SETD9: variants seen among roughly 807,000 people sequenced by gnomAD.
SETD9 encodes the protein SET domain-containing protein 9.
SETD9 carries 37 observed loss-of-function variants against 36.4 expected under a neutral mutation model. The ratio of observed to expected loss-of-function variants is 1.02; its 90% confidence interval spans 0.78 to 1.34. SETD9 has a LOEUF of 1.34. Ranked by LOEUF, SETD9 falls within the 40% of genes most tolerant of loss-of-function variation. The pLI, the probability that SETD9 is intolerant of heterozygous loss-of-function variation, is 0.00. For missense variants in SETD9, 323 were observed against 353.2 expected (o/e 0.91, Z 0.69); for synonymous variants, 128 against 132.9 (o/e 0.96, Z 0.26).
chr5:56,921,793 T>C, downstream of SETD9: 1 of 152,644 alleles, frequency 6.6e-6, no homozygotes, highest in East Asian at 1.9e-4. Context: ...CATAATTCTC[T>C]ATTTTAACAG....
chr5:56,912,942 A>G, intron 2 of SETD9, 69 bp from the exon 3 acceptor site: 4 of 1,477,058 alleles, frequency 2.7e-6, no homozygotes, highest in Non-Finnish European at 3.7e-6. Context: ...ATTCCAAAGA[A>G]GGGTTCTTAT....
intron 5 of SETD9, among the ~76,000 whole-genome samples, chr5:56,924,536 CAA>C (rs1749863281): frequency 6.6e-6 from 1 of 152,152 alleles, no homozygotes; most frequent in Non-Finnish European, 1.5e-5. Context: ...TTCCACTTTC[CAA>C]AAGAGATTAA....
downstream of SETD9, among the ~76,000 whole-genome samples, chr5:56,917,937 C>T (rs1164266567): frequency 4.6e-5 from 7 of 152,206 alleles, no homozygotes; most frequent in Non-Finnish European, 1.0e-4. Context: ...TGACCAGATT[C>T]TGATTACCTT....
intron 1 of SETD9, chr5:56,910,004 T>C (rs957993419): frequency 7.5e-7 from 1 of 1,342,052 alleles, no homozygotes; most frequent in Non-Finnish European, 9.7e-7. Flanking sequence ...GGGCGGTGGC[T>C]TCAGGTGGGC....
At chr5:56,923,367 T>C (rs1243236786) in intron 5 of SETD9, 1 of 1,614,200 alleles carries the variant, frequency 6.2e-7, no homozygotes, top group African/African-American at 1.3e-5. Flanking sequence ...GACTCTTCAC[T>C]GCACATGTTC....
intron 5 of SETD9, chr5:56,923,141 AG>A: frequency 6.2e-7 from 1 of 1,613,824 alleles, no homozygotes; most frequent in Non-Finnish European, 8.5e-7. Context: ...CTCAGAGTGT[AG>A]GGCCGCGTGC....
chr5:56,927,638 A>G (rs371884209), downstream of SETD9, among the ~76,000 whole-genome samples: 3 of 152,190 alleles, frequency 2.0e-5, no homozygotes, highest in African/African-American at 7.2e-5. Context: ...GTTCCTATAT[A>G]TCCTGAAGTT....
In SETD9 at chr5:56,909,977, C is replaced by A. The variant is rs1160781806; in HGVS notation, c.98+234C>A. The A allele has an allele frequency of 9.4e-6, 12 of 1,283,236 alleles. No individual in the cohort carries two copies. In the South Asian group the frequency reaches 1.1e-4, roughly 12 times the overall value. 79.5% of individuals were successfully genotyped at this position (1,283,236 alleles called of 1,614,324 possible). On this transcript the variant is annotated intron_variant, in intron 1 of 5. Coordinates refer to ENST00000285947, the MANE Select transcript of SETD9 (RefSeq NM_153706.4). ...GCCGAGGTTGGTGGAGTCCGAGGCC[C>A]GCTGGAAGCCTGAAGTGGGCGGTGG...
intron 1 of SETD9, chr5:56,910,077 A>AGCCGGATGTGTCGCCTGTTCTTCCCT: frequency 1.6e-6 from 2 of 1,264,454 alleles, no homozygotes; most frequent in Non-Finnish European, 2.0e-6. Context: ...CGAGCTCGCC[A>AGCCGGATGTGTCGCCTGTTCTTCCCT]GCCGGATGTG....
At chr5:56,924,868 T>C (rs1749884599) in intron 5 of SETD9, among the ~76,000 whole-genome samples, 1 of 152,252 alleles carries the variant, frequency 6.6e-6, no homozygotes, top group Non-Finnish European at 1.5e-5. Flanking sequence ...GAGTAAGTTG[T>C]GATATAAGAT....
At position 56,913,861 on chromosome 5, in the gene SETD9, T is replaced by A. The variant is rs1749285407; in HGVS notation, c.591-13T>A. On this transcript the variant is annotated splice_polypyrimidine_tract_variant and intron_variant, in intron 3 of 5. Coordinates refer to ENST00000285947, the MANE Select transcript of SETD9 (RefSeq NM_153706.4). ...GATACAGATCCATTAGCTAATGCTTTCACTTGTTTCAGATCTTGCAATGGG... is the reference window on the plus strand; with the variant it reads ...GATACAGATCCATTAGCTAATGCTTACACTTGTTTCAGATCTTGCAATGGG... The A allele has an allele frequency of 1.3e-6, 2 of 1,536,390 alleles. No homozygotes were observed. Among genetic ancestry groups the A allele is most frequent in the East Asian group, 4.5e-5 (2 of 44,624 alleles).
intron 1 of SETD9, chr5:56,910,047 C>G (rs1366830630): frequency 9.2e-6 from 12 of 1,308,642 alleles, no homozygotes; most frequent in Non-Finnish European, 1.2e-5. Context: ...GTGTCCGCTG[C>G]GCTGCCGGGC....
intron 5 of SETD9, among the ~76,000 whole-genome samples, chr5:56,915,730 A>C (rs1421404529): frequency 6.6e-6 from 1 of 151,934 alleles, no homozygotes; most frequent in Non-Finnish European, 1.5e-5. Flanking sequence ...TTGGGAGGCC[A>C]AGGTGGGTGG....
At chr5:56,925,572 G>C, downstream of SETD9, 1 of 208,670 alleles carries the variant, frequency 4.8e-6, no homozygotes, top group Non-Finnish European at 9.8e-6. Context: ...ATCTGTATGA[G>C]AAAAACTACC....
At chr5:56,911,128 T>C in intron 1 of SETD9, 41 bp from the exon 2 acceptor site, 1 of 1,495,842 alleles carries the variant, frequency 6.7e-7, no homozygotes, top group South Asian at 1.4e-5. Context: ...TTGGCTTTTA[T>C]CAGTTGAAGG....
At chr5:56,915,398 C>T (rs1749374655) in intron 5 of SETD9, among the ~76,000 whole-genome samples, 1 of 152,030 alleles carries the variant, frequency 6.6e-6, no homozygotes, top group Non-Finnish European at 1.5e-5. Context: ...AATAATGAAA[C>T]TAAATAAAAA....
chr5:56,912,189 A>G (rs1749174092), intron 2 of SETD9: 1 of 985,368 alleles, frequency 1.0e-6, no homozygotes. Flanking sequence ...ACGGATCAAA[A>G]CATAAAAGAC....
chr5:56,923,854 A>G (rs780525119), intron 5 of SETD9: 4 of 1,614,078 alleles, frequency 2.5e-6, no homozygotes, highest in Non-Finnish European at 3.4e-6. Flanking sequence ...CACCCCAGTA[A>G]TTTTATGACT....
intron 1 of SETD9, chr5:56,910,628 G>C (rs182203043): frequency 8.8e-5 from 25 of 283,892 alleles, no homozygotes; most frequent in Non-Finnish European, 1.4e-4. Context: ...AGTACAAAAA[G>C]ATAATGATTA....
Sources: allele counts gnomAD v4.1 joint callset (sites outside exome capture counted in the v4.1 genomes callset), GRCh38; gene constraint gnomAD v4.1.1; transcripts MANE v1.5; gene names NCBI Gene and HGNC (gene_info 2026-07-23, HGNC 2026-07-21).